The following EFL1 variants were observed in gnomAD, a reference collection of about 807,000 sequenced individuals.
EFL1 encodes the protein elongation factor-like GTPase 1.
A neutral mutation model predicts 126.7 loss-of-function variants in EFL1; 76 were observed. The observed-to-expected ratio is 0.60, with a 90% CI of 0.50 to 0.73. The LOEUF (loss-of-function observed/expected upper bound fraction) is 0.73, where lower values mean the gene tolerates loss of function less well. EFL1 is among the 30% of genes least tolerant of loss of function. The pLI is 0.00. For synonymous variants in EFL1, 410 were observed against 448.4 expected (o/e 0.91, Z 1.08); for missense variants, 1,128 against 1,343.2 (o/e 0.84, Z 2.50).
chr15:82,154,021 T>G (rs1210439218), intron 17 of EFL1, among the ~76,000 whole-genome samples: 1 of 152,310 alleles, frequency 6.6e-6, no homozygotes, highest in Non-Finnish European at 1.5e-5. Flanking sequence ...TGCCCTCTTA[T>G]TCCTGTAACA....
At chr15:82,258,561 A>C (rs2075086302) in intron 3 of EFL1, among the ~76,000 whole-genome samples, 1 of 152,200 alleles carries the variant, frequency 6.6e-6, no homozygotes, top group African/African-American at 2.4e-5. Context: ...TCTCAAAAAC[A>C]AAAACCAAAA....
At chr15:82,218,101 T>TTG (rs988744900) in intron 14 of EFL1, among the ~76,000 whole-genome samples, 1 of 152,174 alleles carries the variant, frequency 6.6e-6, no homozygotes, top group African/African-American at 2.4e-5. Flanking sequence ...AACATTCTGA[T>TTG]TGTGGCTTTG....
At chr15:82,214,909 T>C (rs1351314393) in intron 14 of EFL1, 54 bp from the exon 15 acceptor site, 24 of 1,559,084 alleles carry the variant, frequency 1.5e-5, no homozygotes, top group South Asian at 3.7e-5. Context: ...GAAGCATTAA[T>C]TGGTATTTGT....
At chr15:82,227,704 C>G (rs2074779456) in intron 10 of EFL1, 132 bp from the exon 11 acceptor site, 7 of 1,179,382 alleles carry the variant, frequency 5.9e-6, no homozygotes, top group Non-Finnish European at 7.1e-6. Flanking sequence ...CAAGGCAACA[C>G]TGCTTTATGC....
chr15:82,173,725 T>C lies in EFL1; in HGVS notation c.1751-9741A>G, dbSNP rs186117136. On this transcript the variant is annotated intron_variant, in intron 15 of 19. Coordinates refer to ENST00000268206, the MANE Select transcript of EFL1 (RefSeq NM_024580.6). ...TAAATAAAATATATAAGAAAACATA[T>C]ATATGCACAGAAAAAAAGAGCTGGA... Among the ~76,000 whole-genome samples, 37 of 152,246 alleles carry C rather than the reference T, an allele frequency of 2.4e-4. No homozygotes were observed. In the East Asian group the frequency reaches 5.6e-3, roughly 23 times the overall value.
intron 7 of EFL1, among the ~76,000 whole-genome samples, chr15:82,237,208 T>C (rs1383030976): frequency 6.6e-6 from 1 of 152,124 alleles, no homozygotes; most frequent in African/African-American, 2.4e-5. Flanking sequence ...TGAAAGACAC[T>C]GTTAGAGGAT....
intron 12 of EFL1, among the ~76,000 whole-genome samples, chr15:82,224,955 A>G (rs1234949345): frequency 1.3e-5 from 2 of 152,250 alleles, no homozygotes; most frequent in Non-Finnish European, 2.9e-5. Context: ...TCAATATTCC[A>G]GAGCTGATTT....
At chr15:82,174,956 A>G (rs1227465136) in intron 15 of EFL1, among the ~76,000 whole-genome samples, 1 of 152,260 alleles carries the variant, frequency 6.6e-6, no homozygotes, top group African/African-American at 2.4e-5. Flanking sequence ...CAGGCTCTGA[A>G]CAGTTGCTGA....
Position 82,230,383 on chromosome 15 carries a change from A to G in EFL1, c.855+465T>C, listed in dbSNP as rs1415101996. Among the ~76,000 whole-genome samples the G allele has an allele frequency of 2.0e-5, 3 of 152,028 alleles. No individual in the cohort carries two copies. The South Asian group carries it at 6.2e-4, about 32-fold the overall frequency. On this transcript the variant is annotated intron_variant, in intron 8 of 19. Transcript: ENST00000268206. ...CAGCATTCCTACACCACCTCTATCT[A>G]TAGAAGGGGTTTCAGGGAGCACCCA...
At chr15:82,194,643 C>T (rs1425086153) in intron 15 of EFL1, among the ~76,000 whole-genome samples, 12 of 152,182 alleles carry the variant, frequency 7.9e-5, no homozygotes, top group African/African-American at 2.9e-4. Context: ...ATCATCCGAG[C>T]TACGATTTTA....
chr15:82,148,186 T>G (rs1323177434), intron 18 of EFL1, among the ~76,000 whole-genome samples: 1 of 152,032 alleles, frequency 6.6e-6, no homozygotes, highest in African/African-American at 2.4e-5. Context: ...GAGACCAACC[T>G]GGCCAACATA....
chr15:82,178,058 G>A (rs1439679130), intron 15 of EFL1, among the ~76,000 whole-genome samples: 1 of 152,114 alleles, frequency 6.6e-6, no homozygotes, highest in Non-Finnish European at 1.5e-5. Context: ...GGATTTTCAG[G>A]GGAAGCCCCT....
chr15:82,190,276 T>C (rs2074345839), intron 15 of EFL1, among the ~76,000 whole-genome samples: 1 of 152,224 alleles, frequency 6.6e-6, no homozygotes, highest in South Asian at 2.1e-4. Context: ...TAACTTTTTC[T>C]GTTCTCAGTT....
chr15:82,212,205 C>T, intron 15 of EFL1, among the ~76,000 whole-genome samples: 1 of 152,158 alleles, frequency 6.6e-6, no homozygotes, highest in Non-Finnish European at 1.5e-5. Flanking sequence ...AAATGTACTC[C>T]ATGCAATGTT....
chr15:82,189,259 C>G (rs1295322344), intron 15 of EFL1, among the ~76,000 whole-genome samples: 1 of 152,132 alleles, frequency 6.6e-6, no homozygotes, highest in Admixed American at 6.5e-5. Flanking sequence ...TATACGTAAT[C>G]CTTCACTGAA....
chr15:82,262,578 A>C, intron 1 of EFL1, 36 bp downstream of exon 1: 1 of 306,008 alleles, frequency 3.3e-6, no homozygotes, highest in South Asian at 3.5e-5. Context: ...AGGCTGGCCT[A>C]GGAGGTTCCA....
rs953525402 is a variant in EFL1 at position 82,130,666 on chromosome 15, T to C, written c.3175-105A>G. The C allele has an allele frequency of 1.4e-5, 17 of 1,237,238 alleles. No homozygotes were observed. The Admixed American group carries it at 3.1e-4, about 22-fold the overall frequency. The allele number at this position is 1,237,238 out of a possible 1,614,324, so 76.6% of individuals were successfully genotyped here. On this transcript the variant is annotated intron_variant, in intron 19 of 19. Coordinates refer to ENST00000268206, the MANE Select transcript of EFL1 (RefSeq NM_024580.6). ...ATAGTCTTAGCTAATGAAAAAAAGT[T>C]AGGCAATGAACAGCTAAGCTTGCTA...
intron 15 of EFL1, among the ~76,000 whole-genome samples, chr15:82,204,717 C>T (rs574590173): frequency 6.6e-6 from 1 of 152,270 alleles, no homozygotes; most frequent in African/African-American, 2.4e-5. Flanking sequence ...GGCTCATTAC[C>T]GCCCACCTAC....
intron 18 of EFL1, 95 bp from the exon 19 acceptor site, chr15:82,138,937 A>G (rs1226380752): frequency 1.7e-6 from 2 of 1,153,202 alleles, no homozygotes; most frequent in African/African-American, 3.1e-5. Context: ...ACAATCCATA[A>G]ATGATTAAAT....
Sources: gnomAD v4.1 joint callset for allele counts (sites outside exome capture counted in the v4.1 genomes callset) on GRCh38, gnomAD v4.1.1 for gene constraint, MANE v1.5 for transcripts, NCBI Gene and HGNC (gene_info 2026-07-23, HGNC 2026-07-21) for gene names.